Variants in THADA observed in about 807,000 individuals in gnomAD.
THADA encodes the protein tRNA (32-2'-O)-methyltransferase regulator THADA.
Under a neutral mutation model 219.8 loss-of-function variants are expected in THADA, and 213 were observed. The ratio of observed to expected loss-of-function variants is 0.97; its 90% CI spans 0.87 to 1.09. The LOEUF is 1.09. THADA is among the 50% of genes least tolerant of loss of function. The pLI is 0.00. For synonymous variants in THADA, 1,018 were observed against 828.9 expected (o/e 1.23, Z -3.92); for missense variants, 2,956 against 2,311.3 (o/e 1.28, Z -5.72).
chr2:43,492,769 G>C (rs1687798036), intron 25 of THADA, among the ~76,000 whole-genome samples: 1 of 152,122 alleles, frequency 6.6e-6, no homozygotes, highest in Non-Finnish European at 1.5e-5. Flanking sequence ...GGGATTTCTG[G>C]GCCTATGATT....
intron 37 of THADA, among the ~76,000 whole-genome samples, chr2:43,232,143 C>G (rs905203344): frequency 6.6e-6 from 1 of 152,154 alleles, no homozygotes; most frequent in African/African-American, 2.4e-5. Flanking sequence ...CATAATAAAA[C>G]TCTCCGCATC....
rs529929707 is a variant in THADA, at chr2:43,403,905, C to T, written c.4059-5766G>A. Among the ~76,000 whole-genome samples, 313 of 152,250 alleles carry T rather than the reference C, an allele frequency of 2.1e-3. 1 individual carries two copies. The highest frequency in any genetic ancestry group is 7.1e-3 in the African/African-American group (295 of 41,544). ...CCATTATGGTCTGTTTGTCCTACAG[C>T]ACAGCTGTCAGCTCCTGGGAAATGG... is the stretch of plus-strand genomic sequence containing the variant. On this transcript the variant is annotated intron_variant, in intron 28 of 37. Coordinates refer to ENST00000405975, the MANE Select transcript of THADA (RefSeq NM_022065.5).
At chr2:43,542,905 T>C (rs1695508702) in intron 20 of THADA, among the ~76,000 whole-genome samples, 2 of 152,108 alleles carry the variant, frequency 1.3e-5, no homozygotes, top group Admixed American at 1.3e-4. Context: ...TTAGGGTACA[T>C]GTGCACAATG....
At chr2:43,347,323 A>G (rs1667741905) in intron 29 of THADA, among the ~76,000 whole-genome samples, 2 of 152,218 alleles carry the variant, frequency 1.3e-5, no homozygotes, top group South Asian at 2.1e-4. Flanking sequence ...AGTGATAACA[A>G]TGTTGATTCT....
intron 14 of THADA, among the ~76,000 whole-genome samples, chr2:43,569,135 C>T (rs1050797754): frequency 1.3e-5 from 2 of 152,070 alleles, no homozygotes; most frequent in Non-Finnish European, 2.9e-5. Context: ...CCACGCCCGT[C>T]TCAGGGTTGC....
intron 7 of THADA, among the ~76,000 whole-genome samples, chr2:43,585,598 C>T (rs1488528422): frequency 1.3e-5 from 2 of 151,194 alleles, no homozygotes; most frequent in Admixed American, 1.3e-4. Flanking sequence ...ACATAATTGC[C>T]CAGCCAAGGA....
chr2:43,482,638 T>G (rs1238599528), intron 26 of THADA, among the ~76,000 whole-genome samples: 2 of 152,204 alleles, frequency 1.3e-5, no homozygotes, highest in Non-Finnish European at 2.9e-5. Context: ...CAAAATTTAC[T>G]TATTCATTAG....
chr2:43,241,972 C>G (rs924696399), intron 36 of THADA, among the ~76,000 whole-genome samples: 10 of 152,218 alleles, frequency 6.6e-5, no homozygotes, highest in African/African-American at 2.4e-4. Context: ...CCCCCTCCCT[C>G]CAACTCTCTT....
chr2:43,258,325 C>G (rs1380928178), intron 36 of THADA, among the ~76,000 whole-genome samples: 2 of 151,942 alleles, frequency 1.3e-5, no homozygotes, highest in Non-Finnish European at 2.9e-5. Flanking sequence ...GAGTTTGAGA[C>G]CAGCCTGACC....
chr2:43,558,931 G>T (rs566764681), intron 16 of THADA, among the ~76,000 whole-genome samples: 10 of 152,072 alleles, frequency 6.6e-5, no homozygotes, highest in African/African-American at 2.4e-4. Context: ...GAATTCTATG[G>T]CTAGTGTCAA....
chr2:43,515,387 T>A (rs1422053610), intron 22 of THADA, among the ~76,000 whole-genome samples: 4 of 94,278 alleles, frequency 4.2e-5, no homozygotes, highest in African/African-American at 1.8e-4. Context: ...TATAATATTT[T>A]ATATATAATA....
intron 27 of THADA, among the ~76,000 whole-genome samples, chr2:43,429,539 A>G (rs894010958): frequency 6.6e-6 from 1 of 152,144 alleles, no homozygotes; most frequent in Admixed American, 6.5e-5. Context: ...AAGTGATCAT[A>G]TTAGTCAGCT....
chr2:43,394,419 T>C (rs1199422329), intron 29 of THADA, among the ~76,000 whole-genome samples: 3 of 152,262 alleles, frequency 2.0e-5, no homozygotes. Flanking sequence ...TCAAAATGTA[T>C]AATTCAAGAA....
In THADA at chr2:43,232,881, C is replaced by A; in HGVS notation, c.5298G>T (p.Glu1766Asp). The change falls in exon 37 of 38, where the codon GAG (glutamate) becomes GAT (aspartate). Residue 1766 changes from glutamate to aspartate, a missense_variant and splice_region_variant. Coordinates refer to ENST00000405975, the MANE Select transcript of THADA (RefSeq NM_022065.5). ...AGGCATCCACCTGGCAGAAGGCAAA[C>A]TCTGCAAAGACAGGAGAAAGGTGAG... Reference protein sequence around the residue: ...MSQENTCQSTEFAFCQVDASI... With the variant: ...MSQENTCQSTDFAFCQVDASI... The A allele has an allele frequency of 6.2e-7, 1 of 1,607,944 alleles. No individual in the cohort carries two copies. Among genetic ancestry groups the A allele is most frequent in the Non-Finnish European group, 8.5e-7 (1 of 1,177,546 alleles).
chr2:43,307,086 A>C (rs1258200916), intron 31 of THADA, among the ~76,000 whole-genome samples: 1 of 152,200 alleles, frequency 6.6e-6, no homozygotes, highest in African/African-American at 2.4e-5. Flanking sequence ...TCCACCATAA[A>C]CAATTAGAAA....
chr2:43,520,713 T>TATATATACAC (rs1218079783), intron 22 of THADA, among the ~76,000 whole-genome samples: 68 of 125,120 alleles, frequency 5.4e-4, no homozygotes, highest in African/African-American at 1.4e-3. Flanking sequence ...TATATATATA[T>TATATATACAC]ACACACACAC....
At chr2:43,421,037 A>G (rs10176241) in intron 28 of THADA, among the ~76,000 whole-genome samples, 98,584 of 152,120 alleles carry the variant, frequency 0.65, 33,452 homozygotes, top group African/African-American at 0.84. Context: ...GGCCTAAAAC[A>G]CCACCATTAG....
At chr2:43,314,690 A>C (rs1677878374) in intron 31 of THADA, among the ~76,000 whole-genome samples, 1 of 152,212 alleles carries the variant, frequency 6.6e-6, no homozygotes, top group Admixed American at 6.5e-5. Flanking sequence ...TCCTTGTGGC[A>C]GTTCGGCTTT....
chr2:43,485,365 T>TTGGCATGAAACCAACGTTTACAATG (rs1686789039), intron 25 of THADA, 40 bp from the exon 26 acceptor site: 5 of 1,463,502 alleles, frequency 3.4e-6, no homozygotes, highest in Non-Finnish European at 4.8e-6. Context: ...TTAAATATTC[T>TTGGCATGAAACCAACGTTTACAATG]TGGCATGAAA....
Sources: allele counts gnomAD v4.1 joint callset (sites outside exome capture counted in the v4.1 genomes callset), GRCh38; gene constraint gnomAD v4.1.1; transcripts MANE v1.5; gene names NCBI Gene and HGNC (gene_info 2026-07-23, HGNC 2026-07-21).